GPLD1: variants seen among roughly 807,000 people sequenced by gnomAD.
GPLD1 encodes phosphatidylinositol-glycan-specific phospholipase D.
In GPLD1, 84 loss-of-function variants were observed where a neutral mutation model predicts 112.6. That is an observed-to-expected ratio of 0.75 (90% confidence interval 0.63 to 0.89). GPLD1 has a LOEUF of 0.89. Ranked by LOEUF, GPLD1 falls within the 40% of genes least tolerant of loss-of-function variation. GPLD1 has a pLI of 0.00. For synonymous variants in GPLD1, 386 were observed against 403.8 expected, an observed-to-expected ratio of 0.96 and a Z score of 0.53; for missense variants, 1,044 against 1,051.5, an observed-to-expected ratio of 0.99 and a Z score of 0.10.
At chr6:24,475,603 G>T in intron 4 of GPLD1, among the ~76,000 whole-genome samples, 1 of 149,676 alleles carries the variant, frequency 6.7e-6, no homozygotes, top group Non-Finnish European at 1.5e-5. Flanking sequence ...CCAGCACTTT[G>T]GGAGGCCTAT....
chr6:24,433,685 C>T (rs982886339), intron 22 of GPLD1: 34 of 281,556 alleles, frequency 1.2e-4, no homozygotes, highest in African/African-American at 7.2e-4. Flanking sequence ...AGTAGAGAGG[C>T]GGTTTCACCA....
intron 3 of GPLD1, among the ~76,000 whole-genome samples, chr6:24,476,909 C>T (rs1229276877): frequency 6.6e-6 from 1 of 152,038 alleles, no homozygotes; most frequent in African/African-American, 2.4e-5. Context: ...TCATGGAGTG[C>T]CAAATGTTAC....
intron 20 of GPLD1, among the ~76,000 whole-genome samples, chr6:24,439,468 T>G (rs1762678792): frequency 6.6e-6 from 1 of 152,234 alleles, no homozygotes; most frequent in African/African-American, 2.4e-5. Flanking sequence ...AGAATTGTAA[T>G]TAATCAATAC....
intron 7 of GPLD1, among the ~76,000 whole-genome samples, chr6:24,472,053 CAA>C (rs1449468676): frequency 2.0e-5 from 3 of 152,224 alleles, no homozygotes; most frequent in South Asian, 2.1e-4. Context: ...GACAAACTGA[CAA>C]GAGAGTAGAA....
chr6:24,479,951 T>C lies in GPLD1; in HGVS notation c.162A>G (p.Leu54=). The change falls in exon 3 of 25, where the codon CTA becomes CTG. Residue 54 remains leucine (L), a synonymous_variant. Coordinates refer to ENST00000230036, the MANE Select transcript of GPLD1 (RefSeq NM_001503.4). ...CAGCCTGATACGCATCCTGGTGTTC[T>C]AGTAACAGCTGCAGAGCAAGAAAAT... ...NGRVNYRELL[L]EHQDAYQAGI... 6.2e-7 allele frequency: 1 copy of C among 1,603,872 alleles called. No individual in the cohort carries two copies. The highest frequency in any genetic ancestry group is 8.5e-7 in the Non-Finnish European group (1 of 1,170,806).
rs763135813 is a variant in GPLD1 at position 24,466,900 on chromosome 6, T to C, written c.681+12A>G. On this transcript the variant is annotated intron_variant, in intron 9 of 24. Coordinates refer to ENST00000230036, the MANE Select transcript of GPLD1 (RefSeq NM_001503.4). ...TATAATCCTTTAAGATTTGGAAGAATGACGCCTTTACCTTGGAAACAGCTA... is the reference window on the plus strand; with the variant it reads ...TATAATCCTTTAAGATTTGGAAGAACGACGCCTTTACCTTGGAAACAGCTA... The C allele has an allele frequency of 3.4e-5, 55 of 1,608,270 alleles. No individual in the cohort carries two copies. The highest frequency in any genetic ancestry group is 4.7e-5 in the Non-Finnish European group (55 of 1,174,812).
chr6:24,429,136 C>G lies in GPLD1; in HGVS notation c.2437-18G>C, dbSNP rs77246237. 4.5e-4 allele frequency: 691 copies of G among 1,546,102 alleles called. 2 individuals are homozygous for G. The African/African-American group carries it at 6.7e-3, about 15-fold the overall frequency. ...ACTTGGTTCTGTAAGGGACACAAGA[C>G]AGAATTCATGGCTCATTCATAACAT... On this transcript the variant is annotated intron_variant, in intron 24 of 24. Transcript: ENST00000230036.
chr6:24,440,581 C>CAAAAAAAAAAAAAAAAAA (rs58480061), intron 20 of GPLD1, among the ~76,000 whole-genome samples: 1 of 118,530 alleles, frequency 8.4e-6, no homozygotes, highest in African/African-American at 2.9e-5. Flanking sequence ...AAAAAATACT[C>CAAAAAAAAAAAAAAAAAA]AAAAAAAAAA....
intron 6 of GPLD1, 124 bp from the exon 7 acceptor site, chr6:24,472,760 T>C (rs1055348064): frequency 3.0e-6 from 2 of 664,768 alleles, no homozygotes; most frequent in African/African-American, 1.8e-5. Context: ...TTTTGTTCAT[T>C]GTTTTAGGTA....
chr6:24,469,728 T>C (rs905663731), intron 7 of GPLD1, among the ~76,000 whole-genome samples: 1 of 148,662 alleles, frequency 6.7e-6, no homozygotes, highest in South Asian at 2.2e-4. Flanking sequence ...TGTATACATA[T>C]GTAACTAACC....
intron 7 of GPLD1, among the ~76,000 whole-genome samples, chr6:24,467,761 G>T (rs1025516687): frequency 1.3e-5 from 2 of 152,026 alleles, no homozygotes; most frequent in African/African-American, 4.8e-5. Context: ...GTATACCAAA[G>T]TATAAAAATA....
intron 7 of GPLD1, among the ~76,000 whole-genome samples, chr6:24,468,520 T>C (rs1307907978): frequency 2.6e-5 from 4 of 152,192 alleles, no homozygotes; most frequent in Non-Finnish European, 5.9e-5. Flanking sequence ...CCCATCTTTC[T>C]GGACTGAACC....
chr6:24,451,255 T>C (rs1193550895), intron 14 of GPLD1, among the ~76,000 whole-genome samples: 2 of 152,198 alleles, frequency 1.3e-5, no homozygotes, highest in South Asian at 2.1e-4. Context: ...AAAGTGGACT[T>C]TCTAGATCTT....
In GPLD1 at chr6:24,445,767, G is replaced by T. The variant is rs1232263777; in HGVS notation, c.1885C>A (p.Pro629Thr). 1 of 1,613,722 alleles carries T rather than the reference G, an allele frequency of 6.2e-7. No individual in the cohort carries two copies. The highest frequency in any genetic ancestry group is 8.5e-7 in the Non-Finnish European group (1 of 1,179,926). Residue 629 changes from proline to threonine, a missense_variant, in exon 19 of 25, where the codon CCA becomes ACA. Coordinates refer to ENST00000230036, the MANE Select transcript of GPLD1 (RefSeq NM_001503.4). ...GTAAACCAGCTTTGGCCGTTTGGTGGGAAGTAGCCATACACCCTCCCAAGG... is the reference window on the plus strand; with the variant it reads ...GTAAACCAGCTTTGGCCGTTTGGTGTGAAGTAGCCATACACCCTCCCAAGG... ...KSLGRVYGYF[P>T]PNGQSWFTIS... is the part of the protein sequence containing the mutation.
intron 22 of GPLD1, among the ~76,000 whole-genome samples, chr6:24,435,063 G>C (rs1351447794): frequency 6.7e-6 from 1 of 148,794 alleles, no homozygotes; most frequent in Admixed American, 6.8e-5. Flanking sequence ...CCAGGTTGGA[G>C]TGCAGTGGCA....
chr6:24,441,233 G>C (rs894608488), intron 20 of GPLD1, among the ~76,000 whole-genome samples: 2 of 151,778 alleles, frequency 1.3e-5, no homozygotes, highest in Non-Finnish European at 2.9e-5. Context: ...ATGAACCTGG[G>C]AGGCAGAGGC....
At chr6:24,484,635 T>C (rs1764313123) in intron 2 of GPLD1, among the ~76,000 whole-genome samples, 1 of 152,220 alleles carries the variant, frequency 6.6e-6, no homozygotes, top group Non-Finnish European at 1.5e-5. Context: ...AGAATACCTC[T>C]ACTAGAAATC....
intron 24 of GPLD1, among the ~76,000 whole-genome samples, chr6:24,430,687 G>C (rs182552777): frequency 2.1e-4 from 32 of 152,222 alleles, no homozygotes; most frequent in African/African-American, 6.5e-4. Context: ...AGAAAGGAAG[G>C]AATCTTCAGA....
chr6:24,428,243 TTTTTAAC>T lies in GPLD1; in HGVS notation c.*782_*788del, dbSNP rs1762299154. ...ATCTGTTATTTTTAAGTTCAACTTT[TTTTTAAC>T]TTTTAAGTTCAGGGGTACATGCGCA... On this transcript the variant is annotated 3_prime_UTR_variant, in exon 25 of 25. Transcript: ENST00000230036. 1.3e-5 allele frequency: 2 copies of T among 152,202 alleles called. No homozygotes were observed. Among genetic ancestry groups the T allele is most frequent in the South Asian group, 2.1e-4 (1 of 4,826 alleles). 9.4% of individuals were successfully genotyped at this position (152,202 alleles called of 1,614,324 possible).
Sources: allele counts gnomAD v4.1 joint callset (sites outside exome capture counted in the v4.1 genomes callset), GRCh38; gene constraint gnomAD v4.1.1; transcripts MANE v1.5; gene names NCBI Gene and HGNC (gene_info 2026-07-23, HGNC 2026-07-21).